GHRL: variants seen among roughly 807,000 people sequenced by gnomAD.
GHRL encodes ghrelin and obestatin prepropeptide.
In GHRL, 24 loss-of-function variants were observed where a neutral mutation model predicts 16.9. The observed-to-expected ratio is 1.42, with a 90% confidence interval of 1.03 to 2.00. The LOEUF is 2.00. GHRL is among the 30% of genes most tolerant of loss of function. The pLI, the probability that GHRL is intolerant of heterozygous loss-of-function variation, is 0.00. For synonymous variants in GHRL, 63 were observed against 58.2 expected, an observed-to-expected ratio of 1.08 and a Z score of -0.37; for missense variants, 193 against 142.1, an observed-to-expected ratio of 1.36 and a Z score of -1.82.
At position 10,289,773 on chromosome 3, in the gene GHRL, G is replaced by T. The variant is rs696217; in HGVS notation, c.214C>A (p.Leu72Met). 131,163 of 1,601,724 alleles carry T rather than the reference G, an allele frequency of 0.082. 6,195 individuals carry two copies. Among genetic ancestry groups the T allele is most frequent in the East Asian group, 0.19 (8,659 of 44,762 alleles). ...GCAGAGGTACCGACCCGGACTTCCAGTTCATCCTCTGCCCCTTCTGCTTGA... is the reference window on the plus strand; with the variant it reads ...GCAGAGGTACCGACCCGGACTTCCATTTCATCCTCTGCCCCTTCTGCTTGA... ...GGQAEGAEDE[L>M]EVRFNAPFDV... is the part of the protein sequence containing the mutation. Residue 72 changes from leucine (L) to methionine (M), a missense_variant, in exon 4 of 6, where the codon CTG becomes ATG. Coordinates refer to ENST00000335542, the MANE Select transcript of GHRL (RefSeq NM_016362.5).
rs766608356 is a variant in GHRL at position 10,285,806 on chromosome 3, G to A, written c.*69C>T. ...TTGTACAACAGTCGTGGGAGTTGCT[G>A]CAGAAGCAAGCGAAAAGCCAGATGA... is the stretch of plus-strand genomic sequence containing the variant. On this transcript the variant is annotated 3_prime_UTR_variant, in exon 6 of 6. Transcript: ENST00000335542. The A allele has an allele frequency of 1.5e-5, 19 of 1,302,874 alleles. No homozygotes were observed. The Admixed American group carries it at 3.2e-4, about 22-fold the overall frequency. The allele number at this position is 1,302,874 out of a possible 1,614,324, so 80.7% of individuals were successfully genotyped here. A position where few individuals can be genotyped will look rare whatever the true frequency, so the allele number is the denominator to read the frequency against.
intron 5 of GHRL, 136 bp downstream of exon 5, chr3:10,286,568 C>T: frequency 1.7e-6 from 1 of 601,626 alleles, no homozygotes. Flanking sequence ...CAACCACTAT[C>T]CTGCAGATCT....
chr3:10,292,765 A>C, intron 1 of GHRL, 77 bp downstream of exon 1: 5 of 367,024 alleles, frequency 1.4e-5, no homozygotes, highest in Non-Finnish European at 2.3e-5. Flanking sequence ...ACCAACCCAT[A>C]AAAAAAAAAA....
At chr3:10,286,590 A>T in intron 5 of GHRL, 114 bp downstream of exon 5, 2 of 622,892 alleles carry the variant, frequency 3.2e-6, no homozygotes, top group Non-Finnish European at 5.9e-6. Flanking sequence ...TGGGAAAGGG[A>T]AATTAGAAGT....
rs181644130 is a variant in GHRL at position 10,290,700 on chromosome 3, A to G, written c.-30+16T>C. 5.2e-5 allele frequency: 52 copies of G among 1,005,622 alleles called. No individual in the cohort carries two copies. The African/African-American group carries it at 8.6e-4, about 17-fold the overall frequency. 62.3% of individuals were successfully genotyped at this position (1,005,622 alleles called of 1,614,324 possible). On this transcript the variant is annotated intron_variant, in intron 2 of 5. Transcript: ENST00000335542. The stretch of plus-strand genomic sequence containing the variant: ...AACCTGTCAGCAAACGCACACGGAG[A>G]GTAGAGAGAGCTTACCTGCAGTTCC...
In GHRL at chr3:10,291,442, T is replaced by G; in HGVS notation, c.-756A>C. On this transcript the variant is annotated 5_prime_UTR_variant, in exon 2 of 6. Coordinates refer to ENST00000335542, the MANE Select transcript of GHRL (RefSeq NM_016362.5). Reference sequence around the variant, plus strand: ...GCGGATGCCTCTTCTGAGAGGGAAGTGCATTGGACCTGGAGGTGGAAGATC... The same window carrying G: ...GCGGATGCCTCTTCTGAGAGGGAAGGGCATTGGACCTGGAGGTGGAAGATC... 1.0e-6 allele frequency: 1 copy of G among 985,482 alleles called. No homozygotes were observed. The highest frequency in any genetic ancestry group is 1.2e-6 in the Non-Finnish European group (1 of 829,972). The allele number at this position is 985,482 out of a possible 1,614,324, so 61.0% of individuals were successfully genotyped here.
chr3:10,292,764 TAAA>T, intron 1 of GHRL, 75 bp downstream of exon 1: 3 of 680,390 alleles, frequency 4.4e-6, no homozygotes, highest in Non-Finnish European at 4.7e-6. Context: ...CACCAACCCA[TAAA>T]AAAAAAAATC....
At chr3:10,291,843 G>C (rs1193967523) in intron 1 of GHRL, among the ~76,000 whole-genome samples, 1 of 152,150 alleles carries the variant, frequency 6.6e-6, no homozygotes, top group East Asian at 1.9e-4. Flanking sequence ...CTCCAGGAAA[G>C]AGGCCTGTGG....
In GHRL at chr3:10,285,879, T is replaced by G. The variant is rs773190477; in HGVS notation, c.350A>C (p.Lys117Thr). 1.9e-6 allele frequency: 3 copies of G among 1,613,518 alleles called. No individual in the cohort carries two copies. Among genetic ancestry groups the G allele is most frequent in the Non-Finnish European group, 2.5e-6 (3 of 1,179,470 alleles). ...GTGAGTAAGGCTTGTGGGCGATCAC[T>G]TGTCGGCTGGGGCCTCTGGAAAGCA... ...WEEAKEAPAD[K>T] The change falls in exon 6 of 6, where the codon AAG becomes ACG. Residue 117 changes from lysine (K) to threonine (T), a missense_variant. Transcript: ENST00000335542.
intron 4 of GHRL, chr3:10,287,810 G>A (rs1699297462): frequency 6.5e-6 from 1 of 153,704 alleles, no homozygotes; most frequent in Non-Finnish European, 1.5e-5. Flanking sequence ...TGAGGACAGA[G>A]GCGCAGAGAA....
chr3:10,291,447 T>C lies in GHRL; in HGVS notation c.-761A>G, dbSNP rs1309342144. The stretch of plus-strand genomic sequence containing the variant: ...TGCCTCTTCTGAGAGGGAAGTGCAT[T>C]GGACCTGGAGGTGGAAGATCTACGC... On this transcript the variant is annotated 5_prime_UTR_variant, in exon 2 of 6. Coordinates refer to ENST00000335542, the MANE Select transcript of GHRL (RefSeq NM_016362.5). 50 of 985,410 alleles carry C rather than the reference T, an allele frequency of 5.1e-5. No homozygotes were observed. The highest frequency in any genetic ancestry group is 5.8e-5 in the Non-Finnish European group (48 of 830,000). The allele number at this position is 985,410 out of a possible 1,614,324, so 61.0% of individuals were successfully genotyped here.
chr3:10,289,268 C>T (rs559307097), intron 4 of GHRL, among the ~76,000 whole-genome samples: 5 of 152,204 alleles, frequency 3.3e-5, no homozygotes, highest in Admixed American at 3.3e-4. Flanking sequence ...CCCACACCTG[C>T]CCCCTCCTTG....
In GHRL at chr3:10,291,020, T is replaced by C; in HGVS notation, c.-334A>G. On this transcript the variant is annotated 5_prime_UTR_variant, in exon 2 of 6. Coordinates refer to ENST00000335542, the MANE Select transcript of GHRL (RefSeq NM_016362.5). Reference sequence around the variant, plus strand: ...TGGAGGAGGGAGGGAGGAGAGTGGCTCTGGGGTCTGGGTGCAGCTTTGTTG... The same window carrying C: ...TGGAGGAGGGAGGGAGGAGAGTGGCCCTGGGGTCTGGGTGCAGCTTTGTTG... The C allele has an allele frequency of 1.0e-6, 1 of 985,600 alleles. No homozygotes were observed. Among genetic ancestry groups the C allele is most frequent in the Non-Finnish European group, 1.2e-6 (1 of 830,042 alleles). 61.1% of individuals were successfully genotyped at this position (985,600 alleles called of 1,614,324 possible).
At chr3:10,287,227 T>G (rs1699215985) in intron 4 of GHRL, 1 of 158,530 alleles carries the variant, frequency 6.3e-6, no homozygotes, top group Non-Finnish European at 1.4e-5. Context: ...ATTCCTTCCC[T>G]GCTCCCAGCT....
Position 10,290,946 on chromosome 3 carries a change from C to T in GHRL, c.-260G>A. The T allele has an allele frequency of 1.0e-6, 1 of 985,650 alleles. No individual in the cohort carries two copies. Among genetic ancestry groups the T allele is most frequent in the Non-Finnish European group, 1.2e-6 (1 of 829,996 alleles). The allele number at this position is 985,650 out of a possible 1,614,324, so 61.1% of individuals were successfully genotyped here. On this transcript the variant is annotated 5_prime_UTR_variant, in exon 2 of 6. Transcript: ENST00000335542. ...GCGAGGGAAGAAGCATGTGCTCCAG[C>T]TGTCCCTGGAACACGGTGGCGGGGT... is the stretch of plus-strand genomic sequence containing the variant.
chr3:10,291,267 C>T lies in GHRL; in HGVS notation c.-581G>A. 1 of 985,516 alleles carries T rather than the reference C, an allele frequency of 1.0e-6. No individual in the cohort carries two copies. The highest frequency in any genetic ancestry group is 1.7e-5 in the African/African-American group (1 of 57,386). 61.0% of individuals were successfully genotyped at this position (985,516 alleles called of 1,614,324 possible). On this transcript the variant is annotated 5_prime_UTR_variant, in exon 2 of 6. The change abolishes an upstream ATG in the 5' untranslated region. Transcript: ENST00000335542. ...CCCGGTTGAGCAGACTGCTCCTGATCATCCTCTCCAGAGAGTGGGTGTGGG... is the reference window on the plus strand; with the variant it reads ...CCCGGTTGAGCAGACTGCTCCTGATTATCCTCTCCAGAGAGTGGGTGTGGG...
chr3:10,285,742 C>G lies in GHRL; in HGVS notation c.*133G>C, dbSNP rs1025803523. 2 of 639,518 alleles carry G rather than the reference C, an allele frequency of 3.1e-6. No individual in the cohort carries two copies. The highest frequency in any genetic ancestry group is 5.7e-6 in the Non-Finnish European group (2 of 350,768). 39.6% of individuals were successfully genotyped at this position (639,518 alleles called of 1,614,324 possible). A position where few individuals can be genotyped will look rare whatever the true frequency, so the allele number is the denominator to read the frequency against. On this transcript the variant is annotated 3_prime_UTR_variant, in exon 6 of 6. Transcript: ENST00000335542. The stretch of plus-strand genomic sequence containing the variant: ...CTTTGAAATAAATTCCCATTTGGAA[C>G]ATCAGCATACAGTTTGAACATTTAT...
At position 10,286,703 on chromosome 3, in the gene GHRL, C is replaced by G. The variant is rs754352932; in HGVS notation, c.334+1G>C. ...GCAAACCCAGTCCAGGCAGGACTCA[C>G]CTTTGGCCTCTTCCCAGAGGATGTC... is the stretch of plus-strand genomic sequence containing the variant. On this transcript the variant is annotated splice_donor_variant, in intron 5 of 5. Transcript: ENST00000335542. LOFTEE classifies it high-confidence loss of function. The G allele has an allele frequency of 6.4e-7, 1 of 1,550,542 alleles. No homozygotes were observed. Among genetic ancestry groups the G allele is most frequent in the Non-Finnish European group, 8.9e-7 (1 of 1,121,842 alleles).
chr3:10,285,885 G>T lies in GHRL; in HGVS notation c.344C>A (p.Ala115Asp). The T allele has an allele frequency of 1.2e-6, 2 of 1,613,214 alleles. No homozygotes were observed. ...AAGGCTTGTGGGCGATCACTTGTCGGCTGGGGCCTCTGGAAAGCAAGAGGT... is the reference window on the plus strand; with the variant it reads ...AAGGCTTGTGGGCGATCACTTGTCGTCTGGGGCCTCTGGAAAGCAAGAGGT... The part of the protein sequence containing the change: ...ILWEEAKEAP[A>D]DK The change falls in exon 6 of 6, where the codon GCC becomes GAC. Residue 115 changes from alanine (A) to aspartate (D), a missense_variant. Transcript: ENST00000335542.
Sources: allele counts gnomAD v4.1 joint callset (sites outside exome capture counted in the v4.1 genomes callset), GRCh38; gene constraint gnomAD v4.1.1; transcripts MANE v1.5; gene names NCBI Gene and HGNC (gene_info 2026-07-23, HGNC 2026-07-21).